Variants in ENTREP2 observed in about 807,000 individuals in gnomAD.
The protein encoded by ENTREP2 is protein ENTREP2.
the ENTREP2 span, among the ~76,000 whole-genome samples, chr15:29,615,162 T>TC: frequency 4.6e-5 from 7 of 151,054 alleles, no homozygotes; most frequent in African/African-American, 1.7e-4. Context: ...TTTTTTTCTT[T>TC]TTTTTTTTTT....
the ENTREP2 span, among the ~76,000 whole-genome samples, chr15:29,624,339 A>C: frequency 1.3e-5 from 2 of 152,002 alleles, no homozygotes; most frequent in African/African-American, 4.8e-5. Flanking sequence ...GTGCGCACAC[A>C]CACACACACA....
At chr15:29,485,246 G>A in the ENTREP2 span, among the ~76,000 whole-genome samples, 95 of 152,310 alleles carry the variant, frequency 6.2e-4, no homozygotes, top group African/African-American at 2.2e-3. Flanking sequence ...GGAAGGCCCT[G>A]TGGTGTTTTC....
chr15:29,154,377 G>T, the ENTREP2 span, among the ~76,000 whole-genome samples: 1 of 151,696 alleles, frequency 6.6e-6, no homozygotes, highest in Admixed American at 6.6e-5. Flanking sequence ...GCTCTTAGAG[G>T]GTAAACTTGA....
chr15:29,360,044 C>G, the ENTREP2 span, among the ~76,000 whole-genome samples: 1 of 152,124 alleles, frequency 6.6e-6, no homozygotes, highest in African/African-American at 2.4e-5. Context: ...AACCTGGGTA[C>G]GTAGAGAGAG....
At chr15:29,416,714 T>C in the ENTREP2 span, among the ~76,000 whole-genome samples, 1 of 152,100 alleles carries the variant, frequency 6.6e-6, no homozygotes, top group East Asian at 1.9e-4. Context: ...ACAGGCAACC[T>C]ACAGAATGGG....
At chr15:29,607,039 G>A in the ENTREP2 span, among the ~76,000 whole-genome samples, 7 of 152,006 alleles carry the variant, frequency 4.6e-5, no homozygotes, top group African/African-American at 1.7e-4. Flanking sequence ...CACCATGTTG[G>A]CCAGGCTGTT....
At chr15:29,365,501 C>CTTTGGG in the ENTREP2 span, among the ~76,000 whole-genome samples, 1 of 152,060 alleles carries the variant, frequency 6.6e-6, no homozygotes, top group Non-Finnish European at 1.5e-5. Flanking sequence ...GATCCACCTG[C>CTTTGGG]CTCGGCTCCC....
chr15:29,151,624 C>T, the ENTREP2 span: 1 of 808,658 alleles, frequency 1.2e-6, no homozygotes, highest in East Asian at 2.7e-5. Context: ...CCTCCAGGTG[C>T]CATGGACTGT....
At chr15:29,604,793 A>G in the ENTREP2 span, among the ~76,000 whole-genome samples, 1 of 152,208 alleles carries the variant, frequency 6.6e-6, no homozygotes, top group Non-Finnish European at 1.5e-5. Flanking sequence ...CTGATTAGGA[A>G]GGAGAACTGA....
chr15:29,311,896 A>G, the ENTREP2 span, among the ~76,000 whole-genome samples: 1,132 of 152,318 alleles, frequency 7.4e-3, 9 homozygotes, highest in Non-Finnish European at 0.011. Flanking sequence ...TGCAAGAGTG[A>G]TTCAGCATTA....
chr15:29,359,180 A>G, the ENTREP2 span, among the ~76,000 whole-genome samples: 1 of 152,200 alleles, frequency 6.6e-6, no homozygotes. Flanking sequence ...GCTGTTATGG[A>G]AAAAAACTGC....
the ENTREP2 span, among the ~76,000 whole-genome samples, chr15:29,294,890 C>T: frequency 6.6e-6 from 1 of 152,156 alleles, no homozygotes; most frequent in Admixed American, 6.5e-5. Flanking sequence ...AGTGAAGTCC[C>T]GAGGCTGGGA....
the ENTREP2 span, among the ~76,000 whole-genome samples, chr15:29,601,994 G>C: frequency 6.6e-4 from 101 of 152,286 alleles, no homozygotes; most frequent in Non-Finnish European, 1.3e-3. Flanking sequence ...CCCCATTTGT[G>C]CTCCATGCAA....
the ENTREP2 span, among the ~76,000 whole-genome samples, chr15:29,138,505 A>G: frequency 6.5e-4 from 99 of 152,054 alleles, no homozygotes; most frequent in Non-Finnish European, 1.3e-3. Flanking sequence ...AGGTAAGGAG[A>G]GGAAGGGTGA....
At chr15:29,209,330 C>A in the ENTREP2 span, among the ~76,000 whole-genome samples, 4 of 152,036 alleles carry the variant, frequency 2.6e-5, no homozygotes, top group African/African-American at 9.7e-5. Flanking sequence ...CGTGAAACCC[C>A]GTCTCTACTA....
At chr15:29,464,932 C>G in the ENTREP2 span, among the ~76,000 whole-genome samples, 4 of 152,208 alleles carry the variant, frequency 2.6e-5, no homozygotes, top group African/African-American at 9.6e-5. Flanking sequence ...ACTTTTAAAG[C>G]GAACAGATGA....
chr15:29,548,800 T>C, the ENTREP2 span, among the ~76,000 whole-genome samples: 1 of 152,190 alleles, frequency 6.6e-6, no homozygotes, highest in Non-Finnish European at 1.5e-5. Context: ...ATTTGTTATA[T>C]TATCCTCTAT....
the ENTREP2 span, chr15:29,268,805 C>G: frequency 1.9e-6 from 3 of 1,609,446 alleles, no homozygotes; most frequent in South Asian, 2.2e-5. Flanking sequence ...GAGGATGGAG[C>G]TGGGCCACTA....
At chr15:29,196,510 A>G in the ENTREP2 span, 1 of 1,551,676 alleles carries the variant, frequency 6.4e-7, no homozygotes, top group Non-Finnish European at 8.7e-7. Context: ...CTGCAGCCGG[A>G]CGACTGGTGC....
Sources: allele counts gnomAD v4.1 joint callset (sites outside exome capture counted in the v4.1 genomes callset), GRCh38; gene constraint gnomAD v4.1.1; transcripts MANE v1.5; gene names NCBI Gene and HGNC (gene_info 2026-07-23, HGNC 2026-07-21).